Variants in FRMD5 observed in about 807,000 individuals in gnomAD.
FRMD5 encodes the protein FERM domain-containing protein 5.
Under a neutral mutation model 69.0 loss-of-function variants are expected in FRMD5, and 20 were observed. That is an observed-to-expected ratio of 0.29 (90% CI 0.20 to 0.42). The LOEUF (loss-of-function observed/expected upper bound fraction) is 0.42. Ranked by LOEUF, FRMD5 falls within the 10% of genes least tolerant of loss-of-function variation. The pLI is 1.00. For synonymous variants in FRMD5, 271 were observed against 260.1 expected (o/e 1.04, Z -0.40); for missense variants, 595 against 708.6 (o/e 0.84, Z 1.82).
chr15:43,957,203 T>A (rs2090128484), intron 1 of FRMD5, among the ~76,000 whole-genome samples: 1 of 152,154 alleles, frequency 6.6e-6, no homozygotes, highest in African/African-American at 2.4e-5. Context: ...TCTTTCTTTT[T>A]TTTTCTTTTT....
At chr15:43,943,162 A>C (rs1385432929) in intron 1 of FRMD5, among the ~76,000 whole-genome samples, 1 of 152,204 alleles carries the variant, frequency 6.6e-6, no homozygotes, top group African/African-American at 2.4e-5. Context: ...GAATTGCTTG[A>C]ACCCAGGAAG....
intron 1 of FRMD5, among the ~76,000 whole-genome samples, chr15:44,134,479 C>T (rs2077152530): frequency 6.6e-6 from 1 of 152,100 alleles, no homozygotes; most frequent in Admixed American, 6.5e-5. Context: ...GACAGGGTCT[C>T]GCTCTGTCAC....
At chr15:43,911,663 CT>C (rs2089290052) in intron 4 of FRMD5, among the ~76,000 whole-genome samples, 1 of 152,178 alleles carries the variant, frequency 6.6e-6, no homozygotes, top group Non-Finnish European at 1.5e-5. Flanking sequence ...GTTATTTTAA[CT>C]TTTATGGTCC....
At chr15:44,175,675 C>T (rs892462463) in intron 1 of FRMD5, among the ~76,000 whole-genome samples, 2 of 152,028 alleles carry the variant, frequency 1.3e-5, no homozygotes, top group East Asian at 3.9e-4. Flanking sequence ...TGTCTTTTTG[C>T]AGCCTTATTC....
chr15:44,098,944 C>T (rs2076596262), intron 1 of FRMD5, among the ~76,000 whole-genome samples: 1 of 152,162 alleles, frequency 6.6e-6, no homozygotes, highest in African/African-American at 2.4e-5. Context: ...AACTGCTCCC[C>T]ACCTCCTGGA....
At chr15:44,194,733 A>AGACTC (rs1389082641) in intron 1 of FRMD5, 1 of 645,242 alleles carries the variant, frequency 1.5e-6, no homozygotes. Flanking sequence ...TGGGACGCGG[A>AGACTC]GACTCGCCCC....
chr15:44,056,766 G>A (rs1053343863), intron 1 of FRMD5, among the ~76,000 whole-genome samples: 12 of 152,098 alleles, frequency 7.9e-5, no homozygotes, highest in Admixed American at 1.3e-4. Context: ...TGTGTCAGAC[G>A]CCTCTCCTTG....
chr15:44,196,633 C>A (rs538635220), upstream of FRMD5, among the ~76,000 whole-genome samples: 17 of 151,976 alleles, frequency 1.1e-4, no homozygotes, highest in East Asian at 3.3e-3. Flanking sequence ...AGAAAACTAT[C>A]CCGCCTTTAA....
chr15:43,872,891 G>A lies in FRMD5; in HGVS notation c.*994C>T. 2.8e-6 allele frequency: 1 copy of A among 363,390 alleles called. No homozygotes were observed. Among genetic ancestry groups the A allele is most frequent in the Non-Finnish European group, 4.9e-6 (1 of 204,132 alleles). 22.5% of individuals were successfully genotyped at this position (363,390 alleles called of 1,614,324 possible). A position where few individuals can be genotyped will look rare whatever the true frequency, so the allele number is the denominator to read the frequency against. On this transcript the variant is annotated 3_prime_UTR_variant, in exon 14 of 14. Coordinates refer to ENST00000417257, the MANE Select transcript of FRMD5 (RefSeq NM_032892.5). ...ACATTTCGTTGTTAAAATATAAATTGAAATAGTCTTTGGGTCAAGGGGGTG... is the reference window on the plus strand; with the variant it reads ...ACATTTCGTTGTTAAAATATAAATTAAAATAGTCTTTGGGTCAAGGGGGTG...
intron 1 of FRMD5, among the ~76,000 whole-genome samples, chr15:44,117,009 G>T (rs1383878777): frequency 1.3e-5 from 2 of 151,846 alleles, no homozygotes; most frequent in Non-Finnish European, 2.9e-5. Context: ...GTGGTCTGAG[G>T]CAGGAAAATC....
intron 13 of FRMD5, among the ~76,000 whole-genome samples, chr15:43,883,224 C>T (rs1460312542): frequency 2.6e-5 from 4 of 152,046 alleles, no homozygotes; most frequent in East Asian, 3.9e-4. Context: ...CTCAGCCCCC[C>T]GAGTAGCTGG....
chr15:44,030,707 G>A (rs1026477217), intron 1 of FRMD5, among the ~76,000 whole-genome samples: 2 of 150,230 alleles, frequency 1.3e-5, no homozygotes, highest in Admixed American at 1.3e-4. Flanking sequence ...CCCCAAAAAG[G>A]AGAAGGTGAA....
At chr15:44,025,400 A>G (rs1891388156) in intron 1 of FRMD5, among the ~76,000 whole-genome samples, 1 of 152,130 alleles carries the variant, frequency 6.6e-6, no homozygotes, top group African/African-American at 2.4e-5. Flanking sequence ...CTAGCAAACA[A>G]AAGAGATGCA....
chr15:44,042,239 T>C (rs759635984), intron 1 of FRMD5, among the ~76,000 whole-genome samples: 7 of 152,168 alleles, frequency 4.6e-5, no homozygotes, highest in Non-Finnish European at 7.3e-5. Flanking sequence ...CAGGAAGAAG[T>C]TGAATCCCTG....
chr15:44,031,511 C>T (rs900577097), intron 1 of FRMD5, among the ~76,000 whole-genome samples: 3 of 152,048 alleles, frequency 2.0e-5, no homozygotes, highest in African/African-American at 7.2e-5. Flanking sequence ...TTAATATGTC[C>T]TTACATGGTG....
At chr15:44,106,973 A>C (rs1269622898) in intron 1 of FRMD5, among the ~76,000 whole-genome samples, 1 of 152,200 alleles carries the variant, frequency 6.6e-6, no homozygotes, top group Non-Finnish European at 1.5e-5. Flanking sequence ...TAAACTGAGA[A>C]ATTTTTAAAA....
At chr15:44,196,742 C>CTT (rs2078306550), upstream of FRMD5, among the ~76,000 whole-genome samples, 1 of 104,672 alleles carries the variant, frequency 9.6e-6, no homozygotes, top group African/African-American at 4.7e-5. Flanking sequence ...TTCTCTCTCT[C>CTT]TCTCTCTCTT....
Position 43,873,348 on chromosome 15 carries a change from CAA to C in FRMD5, c.*535_*536del, listed in dbSNP as rs1186059565. 2 of 1,462,096 alleles carry C rather than the reference CAA, an allele frequency of 1.4e-6. No individual in the cohort carries two copies. Among genetic ancestry groups the C allele is most frequent in the Non-Finnish European group, 1.8e-6 (2 of 1,109,056 alleles). 90.6% of individuals were successfully genotyped at this position (1,462,096 alleles called of 1,614,324 possible). On this transcript the variant is annotated 3_prime_UTR_variant, in exon 14 of 14. Coordinates refer to ENST00000417257, the MANE Select transcript of FRMD5 (RefSeq NM_032892.5). ...TAAAAGTTCTGGCTGGCAAAAAAAA[CAA>C]ACAAAAAACTAAACAGTCCCCATTG...
At chr15:44,045,325 C>T (rs748760101) in intron 1 of FRMD5, among the ~76,000 whole-genome samples, 8 of 152,248 alleles carry the variant, frequency 5.3e-5, no homozygotes, top group East Asian at 3.9e-4. Flanking sequence ...GATTTTTGAA[C>T]GTGGCATTTA....
Sources: allele counts gnomAD v4.1 joint callset (sites outside exome capture counted in the v4.1 genomes callset), GRCh38; gene constraint gnomAD v4.1.1; transcripts MANE v1.5; gene names NCBI Gene and HGNC (gene_info 2026-07-23, HGNC 2026-07-21).